Variants in ZNF8 observed in about 807,000 individuals in gnomAD.
The protein encoded by ZNF8 is zinc finger protein 8.
A neutral mutation model predicts 12.2 loss-of-function variants in ZNF8; 9 were observed. That is an observed-to-expected ratio of 0.73 (90% CI 0.44 to 1.28). ZNF8 has a LOEUF of 1.28. Ranked by LOEUF, ZNF8 falls within the 50% of genes most tolerant of loss-of-function variation. The pLI, the probability that ZNF8 is intolerant of heterozygous loss-of-function variation, is 0.00. For missense variants in ZNF8, 664 were observed against 729.1 expected, an observed-to-expected ratio of 0.91 and a Z score of 1.03; for synonymous variants, 274 against 282.3, an observed-to-expected ratio of 0.97 and a Z score of 0.30.
chr19:58,282,558 A>G (rs1450464384), intron 1 of ZNF8, among the ~76,000 whole-genome samples: 1 of 152,186 alleles, frequency 6.6e-6, no homozygotes, highest in Admixed American at 6.5e-5. Flanking sequence ...GCCAAATCCA[A>G]GGTTACAAAG....
At position 58,294,241 on chromosome 19, in the gene ZNF8, A is replaced by G; in HGVS notation, c.433A>G (p.Ser145Gly). 1 of 1,614,166 alleles carries G rather than the reference A, an allele frequency of 6.2e-7. No homozygotes were observed. Among genetic ancestry groups the G allele is most frequent in the Non-Finnish European group, 8.5e-7 (1 of 1,180,016 alleles). Reference sequence around the variant, plus strand: ...GTTAGGGAAAGACAGGGAGTGTCAGAGCCAGAGTCTGGCACTCAAGGAGCA... The same window carrying G: ...GTTAGGGAAAGACAGGGAGTGTCAGGGCCAGAGTCTGGCACTCAAGGAGCA... ...TTLGKDRECQ[S>G]QSLALKEQNN... Residue 145 changes from serine (S) to glycine (G), a missense_variant, in exon 4 of 4, where the codon AGC becomes GGC. This residue lies in a region of ZNF8 where 306 missense variants were observed against 308.7 expected (regional missense o/e 0.99). Transcript: ENST00000621650. This position sits in a 1 kb window ranked among gnomAD's most constrained non-coding sequence, Gnocchi z 5.5.
In ZNF8 at chr19:58,279,085, G is replaced by A; in HGVS notation, c.4G>A (p.Asp2Asn). The part of the protein sequence containing the change: M[D>N]PEDEGVAGVM... Reference sequence around the variant, plus strand: ...GTCCTTCACTGGGCGATCCAGCATGGACCCCGAGGACGAAGGGGTAGCGGG... The same window carrying A: ...GTCCTTCACTGGGCGATCCAGCATGAACCCCGAGGACGAAGGGGTAGCGGG... The change falls in exon 1 of 4, where the codon GAC (aspartate) becomes AAC (asparagine). Residue 2 changes from aspartate (D) to asparagine (N), a missense_variant. Transcript: ENST00000621650. The A allele has an allele frequency of 1.3e-6, 2 of 1,518,630 alleles. No homozygotes were observed. Among genetic ancestry groups the A allele is most frequent in the Non-Finnish European group, 1.8e-6 (2 of 1,127,086 alleles). The allele number at this position is 1,518,630 out of a possible 1,614,324, so 94.1% of individuals were successfully genotyped here. A position where few individuals can be genotyped will look rare whatever the true frequency, so the allele number is the denominator to read the frequency against.
At chr19:58,288,665 G>A (rs897984068) in intron 3 of ZNF8, among the ~76,000 whole-genome samples, 9 of 152,168 alleles carry the variant, frequency 5.9e-5, no homozygotes, top group African/African-American at 2.2e-4. Flanking sequence ...CCACATTCTA[G>A]AGTAAATAGC....
chr19:58,293,039 C>T (rs1271038124), intron 3 of ZNF8, among the ~76,000 whole-genome samples: 1 of 151,790 alleles, frequency 6.6e-6, no homozygotes, highest in Non-Finnish European at 1.5e-5. Context: ...ACCTTCGCCT[C>T]CCAGGTTCAA....
rs2147964705 is a variant in ZNF8, at chr19:58,300,722, C to T, written c.*5186C>T. ...AGCTAGCCGTATCTGCTGCTTTTCTCCTTCAAGCTCTTGGGAGAATCGCTT... is the reference window on the plus strand; with the variant it reads ...AGCTAGCCGTATCTGCTGCTTTTCTTCTTCAAGCTCTTGGGAGAATCGCTT... On this transcript the variant is annotated 3_prime_UTR_variant, in exon 4 of 4. Coordinates refer to ENST00000621650, the MANE Select transcript of ZNF8 (RefSeq NM_021089.3). The T allele has an allele frequency of 6.6e-6, 1 of 152,060 alleles. No individual in the cohort carries two copies. The highest frequency in any genetic ancestry group is 2.1e-4 in the South Asian group (1 of 4,792). 9.4% of individuals were successfully genotyped at this position (152,060 alleles called of 1,614,324 possible). A position where few individuals can be genotyped will look rare whatever the true frequency, so the allele number is the denominator to read the frequency against.
At chr19:58,284,569 C>T (rs2051371038) in intron 1 of ZNF8, among the ~76,000 whole-genome samples, 1 of 152,210 alleles carries the variant, frequency 6.6e-6, no homozygotes, top group Non-Finnish European at 1.5e-5. Flanking sequence ...CACGTAAAGG[C>T]CAGGCGCGGC....
chr19:58,287,976 T>C (rs1292784322), intron 3 of ZNF8, among the ~76,000 whole-genome samples: 1 of 149,084 alleles, frequency 6.7e-6, no homozygotes, highest in Non-Finnish European at 1.5e-5. Flanking sequence ...AGTGCTGGGA[T>C]TATAGGCGTA....
chr19:58,300,325 A>G lies in ZNF8; in HGVS notation c.*4789A>G, dbSNP rs909638199. On this transcript the variant is annotated 3_prime_UTR_variant, in exon 4 of 4. Coordinates refer to ENST00000621650, the MANE Select transcript of ZNF8 (RefSeq NM_021089.3). ...AGTCGATGTTTTCTGCAATCTCTCA[A>G]CCTTTCCATTGTGGTCATGAGGAGA... 1 of 152,014 alleles carries G rather than the reference A, an allele frequency of 6.6e-6. No homozygotes were observed. The highest frequency in any genetic ancestry group is 1.5e-5 in the Non-Finnish European group (1 of 68,020). 9.4% of individuals were successfully genotyped at this position (152,014 alleles called of 1,614,324 possible).
chr19:58,282,985 T>G (rs2051360128), intron 1 of ZNF8, among the ~76,000 whole-genome samples: 2 of 151,544 alleles, frequency 1.3e-5, no homozygotes, highest in Admixed American at 6.6e-5. Context: ...CTCTTCTTTT[T>G]TTTTTCTTTG....
chr19:58,286,069 C>T lies in ZNF8; in HGVS notation c.194-41C>T, dbSNP rs1482923678. The T allele has an allele frequency of 5.7e-6, 9 of 1,592,528 alleles. No homozygotes were observed. In the Admixed American group the frequency reaches 1.4e-4, roughly 24 times the overall value. ...GGAGCCTGGGCTTGTTGTTTCTCTC[C>T]TGAGCAGCCCCTCACCTCCTGTGTT... is the stretch of plus-strand genomic sequence containing the variant. On this transcript the variant is annotated intron_variant, in intron 2 of 3. Transcript: ENST00000621650.
At chr19:58,288,935 C>A (rs779897401) in intron 3 of ZNF8, among the ~76,000 whole-genome samples, 19 of 151,946 alleles carry the variant, frequency 1.3e-4, no homozygotes, top group Non-Finnish European at 2.8e-4. Context: ...CTGTCACTCA[C>A]AAGTCTTATG....
At chr19:58,282,920 G>A (rs554346557) in intron 1 of ZNF8, among the ~76,000 whole-genome samples, 23 of 151,782 alleles carry the variant, frequency 1.5e-4, no homozygotes, top group African/African-American at 5.3e-4. Flanking sequence ...GAGCCACTGC[G>A]CCCAGCCTCT....
rs1294316033 is a variant in ZNF8 at position 58,297,522 on chromosome 19, T to A, written c.*1986T>A. ...TCGACCTCCTGGGCTCAAGTGATCCTCCCACCCCAGCCTCCCAAGTAGCTG... is the reference window on the plus strand; with the variant it reads ...TCGACCTCCTGGGCTCAAGTGATCCACCCACCCCAGCCTCCCAAGTAGCTG... On this transcript the variant is annotated 3_prime_UTR_variant, in exon 4 of 4. Coordinates refer to ENST00000621650, the MANE Select transcript of ZNF8 (RefSeq NM_021089.3). The A allele has an allele frequency of 6.6e-6, 1 of 151,910 alleles. No individual in the cohort carries two copies. The highest frequency in any genetic ancestry group is 1.9e-4 in the East Asian group (1 of 5,176). 9.4% of individuals were successfully genotyped at this position (151,910 alleles called of 1,614,324 possible). A position where few individuals can be genotyped will look rare whatever the true frequency, so the allele number is the denominator to read the frequency against.
chr19:58,291,933 G>T (rs576725600), intron 3 of ZNF8, among the ~76,000 whole-genome samples: 2 of 152,084 alleles, frequency 1.3e-5, no homozygotes, highest in African/African-American at 4.8e-5. Context: ...CAGAGTGGGC[G>T]TGGGGCAAGA....
At chr19:58,279,690 A>G in intron 1 of ZNF8, 1 of 1,530,660 alleles carries the variant, frequency 6.5e-7, no homozygotes, top group Non-Finnish European at 8.7e-7. Flanking sequence ...AGTGACCACC[A>G]GGGTCGTCCC....
intron 3 of ZNF8, 200 bp downstream of exon 3, chr19:58,286,405 C>G (rs938830514): frequency 2.1e-6 from 1 of 483,416 alleles, no homozygotes; most frequent in Non-Finnish European, 3.7e-6. Flanking sequence ...GGGATAAGTT[C>G]AGAGGAAGCC....
chr19:58,282,660 C>T (rs10420221), intron 1 of ZNF8, among the ~76,000 whole-genome samples: 37,867 of 151,506 alleles, frequency 0.25, 4,950 homozygotes, highest in African/African-American at 0.32. Context: ...TGGAGTCTCA[C>T]TGTGTCGCCC....
At position 58,295,203 on chromosome 19, in the gene ZNF8, A is replaced by G; in HGVS notation, c.1395A>G (p.Arg465=). The G allele has an allele frequency of 6.2e-7, 1 of 1,614,138 alleles. No homozygotes were observed. The highest frequency in any genetic ancestry group is 2.2e-5 in the East Asian group (1 of 44,878). The change falls in exon 4 of 4, where the codon AGA becomes AGG. Residue 465 remains arginine, a synonymous_variant. Transcript: ENST00000621650. ...SQDERTHRSD[R]PFKCNQCGKC... Reference sequence around the variant, plus strand: ...ATGAGAGGACTCACCGAAGCGACAGACCCTTCAAATGTAATCAGTGTGGGA... The same window carrying G: ...ATGAGAGGACTCACCGAAGCGACAGGCCCTTCAAATGTAATCAGTGTGGGA...
intron 3 of ZNF8, among the ~76,000 whole-genome samples, chr19:58,290,907 G>A (rs1476608539): frequency 6.6e-6 from 1 of 152,170 alleles, no homozygotes. Context: ...AAAAAAATTA[G>A]CTGGGTGTGG....
Sources: allele counts gnomAD v4.1 joint callset (sites outside exome capture counted in the v4.1 genomes callset), GRCh38; gene constraint gnomAD v4.1.1; regional missense constraint gnomAD v4.1.1; non-coding constraint Gnocchi (gnomAD v3.1); transcripts MANE v1.5; gene names NCBI Gene and HGNC (gene_info 2026-07-23, HGNC 2026-07-21).